The following DYNC2LI1 variants were observed in gnomAD, a reference collection of about 807,000 sequenced individuals.
DYNC2LI1 encodes the protein cytoplasmic dynein 2 light intermediate chain 1.
Under a neutral mutation model 51.9 loss-of-function variants are expected in DYNC2LI1, and 45 were observed. The ratio of observed to expected loss-of-function variants is 0.87; its 90% CI spans 0.68 to 1.11. The LOEUF (loss-of-function observed/expected upper bound fraction) is 1.11. DYNC2LI1 is among the 50% of genes most tolerant of loss of function. The probability of loss-of-function intolerance (pLI) is 0.00; values close to 1 mark genes in which losing one functional copy is unlikely to be tolerated. For missense variants in DYNC2LI1, 490 were observed against 417.4 expected, an observed-to-expected ratio of 1.17 and a Z score of -1.51; for synonymous variants, 130 against 137.8, an observed-to-expected ratio of 0.94 and a Z score of 0.40.
chr2:43,811,954 G>A (rs1666500414), downstream of DYNC2LI1, among the ~76,000 whole-genome samples: 1 of 152,168 alleles, frequency 6.6e-6, no homozygotes, highest in Admixed American at 6.5e-5. Flanking sequence ...TAATACAGGT[G>A]TCTGTATTTA....
chr2:43,825,134 C>T, the DYNC2LI1 span: 1 of 1,288,226 alleles, frequency 7.8e-7, no homozygotes, highest in Non-Finnish European at 1.1e-6. Context: ...GTCACCAAGT[C>T]CTTATGGGAA....
intron 12 of DYNC2LI1, among the ~76,000 whole-genome samples, chr2:43,806,172 G>A (rs537019077): frequency 6.6e-6 from 1 of 152,274 alleles, no homozygotes; most frequent in African/African-American, 2.4e-5. Flanking sequence ...ATGAGCCAGT[G>A]CGCCTGGCCT....
chr2:43,778,833 C>CT, intron 2 of DYNC2LI1, among the ~76,000 whole-genome samples: 1 of 152,234 alleles, frequency 6.6e-6, no homozygotes, highest in South Asian at 2.1e-4. Context: ...GAAACCACCC[C>CT]TTTTTCTTGA....
chr2:43,813,934 G>T (rs1205076146), downstream of DYNC2LI1, among the ~76,000 whole-genome samples: 1 of 151,716 alleles, frequency 6.6e-6, no homozygotes, highest in African/African-American at 2.4e-5. Context: ...GGCCAGGCTG[G>T]TCTCGAACTC....
At chr2:43,803,972 C>T (rs993122620) in intron 10 of DYNC2LI1, among the ~76,000 whole-genome samples, 15 of 152,178 alleles carry the variant, frequency 9.9e-5, no homozygotes, top group Non-Finnish European at 1.6e-4. Flanking sequence ...AATTTGTGTT[C>T]TTTCCAATTT....
chr2:43,805,063 C>A, intron 11 of DYNC2LI1, 91 bp from the exon 12 acceptor site: 1 of 788,320 alleles, frequency 1.3e-6, no homozygotes, highest in Admixed American at 2.5e-5. Context: ...TTGTGGCAGG[C>A]TGAGGAATGG....
intron 7 of DYNC2LI1, among the ~76,000 whole-genome samples, chr2:43,796,305 C>G (rs1674032525): frequency 6.6e-6 from 1 of 150,514 alleles, no homozygotes; most frequent in Non-Finnish European, 1.5e-5. Context: ...TATACTCCAG[C>G]CTGGGTTACA....
At chr2:43,826,919 C>G in the DYNC2LI1 span, among the ~76,000 whole-genome samples, 1 of 152,196 alleles carries the variant, frequency 6.6e-6, no homozygotes, top group African/African-American at 2.4e-5. Context: ...TTTCCAACAC[C>G]AGCAGGGTCT....
chr2:43,808,162 G>A (rs1188246306), intron 12 of DYNC2LI1, among the ~76,000 whole-genome samples: 4 of 151,600 alleles, frequency 2.6e-5, no homozygotes, highest in African/African-American at 9.7e-5. Flanking sequence ...GATAACTGGT[G>A]AACTGAATTA....
intron 1 of DYNC2LI1, 130 bp from the exon 2 acceptor site, chr2:43,776,652 T>TAA: frequency 1.8e-6 from 1 of 541,032 alleles, no homozygotes; most frequent in Non-Finnish European, 3.3e-6. Context: ...TTTTACCAGA[T>TAA]TATTGTTCCT....
chr2:43,805,671 G>GT (rs1666226212), intron 12 of DYNC2LI1: 1 of 152,844 alleles, frequency 6.5e-6, no homozygotes, highest in South Asian at 2.0e-4. Flanking sequence ...ACTAGAAAAC[G>GT]TATCTTGCCC....
the DYNC2LI1 span, chr2:43,822,618 T>C: frequency 2.0e-6 from 2 of 985,024 alleles, no homozygotes; most frequent in Non-Finnish European, 2.4e-6. Flanking sequence ...CAACCCACAG[T>C]TGGGCTATTT....
intron 2 of DYNC2LI1, among the ~76,000 whole-genome samples, chr2:43,783,122 C>T (rs1161022195): frequency 6.6e-6 from 1 of 152,060 alleles, no homozygotes; most frequent in Admixed American, 6.5e-5. Context: ...TTGTATGTTA[C>T]CTTTTTCTTT....
chr2:43,819,565 C>T, the DYNC2LI1 span, among the ~76,000 whole-genome samples: 4 of 151,742 alleles, frequency 2.6e-5, no homozygotes, highest in East Asian at 7.8e-4. Context: ...AGTACCAGGT[C>T]AGAAATGAAC....
chr2:43,800,083 A>G (rs1442448159), intron 8 of DYNC2LI1, among the ~76,000 whole-genome samples: 2 of 152,200 alleles, frequency 1.3e-5, no homozygotes, highest in African/African-American at 2.4e-5. Context: ...TCCCACTTCC[A>G]TACCTCTTAG....
rs879255656 is a variant in DYNC2LI1 at position 43,805,249 on chromosome 2, A to G, written c.993+3A>G. On this transcript the variant is annotated splice_donor_region_variant and intron_variant, in intron 12 of 12. Transcript: ENST00000260605. ...AGATGAGAATTCAGAAGGATCTGGT[A>G]TTATCCTAAACATTTACTTAATTTC... The G allele has an allele frequency of 6.3e-7, 1 of 1,580,840 alleles. No homozygotes were observed. Among genetic ancestry groups the G allele is most frequent in the Non-Finnish European group, 8.7e-7 (1 of 1,151,732 alleles).
In DYNC2LI1 at chr2:43,774,100, T is replaced by G; in HGVS notation, c.-39T>G. Reference sequence around the variant, plus strand: ...CGCCTGATTCTAGGCTGGTCACTACTCCGAGCCTGTGACGTTTGCGGCAGC... The same window carrying G: ...CGCCTGATTCTAGGCTGGTCACTACGCCGAGCCTGTGACGTTTGCGGCAGC... On this transcript the variant is annotated 5_prime_UTR_variant, in exon 1 of 13. Coordinates refer to ENST00000260605, the MANE Select transcript of DYNC2LI1 (RefSeq NM_016008.4). 1.2e-6 allele frequency: 2 copies of G among 1,613,180 alleles called. No homozygotes were observed. Among genetic ancestry groups the G allele is most frequent in the Non-Finnish European group, 1.7e-6 (2 of 1,179,708 alleles).
chr2:43,792,581 T>A, intron 5 of DYNC2LI1: 1 of 1,289,284 alleles, frequency 7.8e-7, no homozygotes, highest in Non-Finnish European at 1.0e-6. Flanking sequence ...ACATCAAGTA[T>A]ATTCTCATCA....
chr2:43,814,001 C>A (rs112192937), downstream of DYNC2LI1, among the ~76,000 whole-genome samples: 1 of 152,228 alleles, frequency 6.6e-6, no homozygotes, highest in African/African-American at 2.4e-5. Context: ...CAGGCGTGAG[C>A]CACTGTGCCC....
Sources: gnomAD v4.1 joint callset for allele counts (sites outside exome capture counted in the v4.1 genomes callset) on GRCh38, gnomAD v4.1.1 for gene constraint, MANE v1.5 for transcripts, NCBI Gene and HGNC (gene_info 2026-07-23, HGNC 2026-07-21) for gene names.